COL27A1: variants seen among roughly 807,000 people sequenced by gnomAD.
COL27A1 encodes the protein collagen alpha-1(XXVII) chain.
A neutral mutation model predicts 251.3 loss-of-function variants in COL27A1; 106 were observed. The ratio of observed to expected loss-of-function variants is 0.42; its 90% confidence interval spans 0.36 to 0.50. The LOEUF is 0.50. Ranked by LOEUF, COL27A1 falls within the 20% of genes least tolerant of loss-of-function variation. The pLI is 0.00. For missense variants in COL27A1, 2,325 were observed against 2,522.8 expected (o/e 0.92, Z 1.68); for synonymous variants, 1,000 against 986.3 (o/e 1.01, Z -0.26).
chr9:114,272,852 C>T (rs1279304595), intron 36 of COL27A1: 1 of 152,154 alleles, frequency 6.6e-6, no homozygotes, highest in Non-Finnish European at 1.5e-5. Flanking sequence ...GTCCCCTGAG[C>T]AGAGAATCTT....
rs574196236 is a variant in COL27A1 at position 114,190,047 on chromosome 9, G to A, written c.2017-4357G>A. Among the ~76,000 whole-genome samples the A allele has an allele frequency of 5.3e-5, 8 of 152,258 alleles. No homozygotes were observed. In the South Asian group the frequency reaches 1.0e-3, roughly 20 times the overall value. On this transcript the variant is annotated intron_variant, in intron 5 of 60. Coordinates refer to ENST00000356083, the MANE Select transcript of COL27A1 (RefSeq NM_032888.4). ...AACTTCTAGACCCATGAAAATAGTC[G>A]TACTGATAGTGAGAGGCCTAGTGAA...
intron 14 of COL27A1, among the ~76,000 whole-genome samples, chr9:114,222,715 T>G (rs1422540578): frequency 6.6e-6 from 1 of 152,142 alleles, no homozygotes; most frequent in Non-Finnish European, 1.5e-5. Flanking sequence ...TCTTTTGCAC[T>G]CTTTTCCTCC....
At chr9:114,206,115 C>G in intron 9 of COL27A1, 137 bp from the exon 10 acceptor site, 1 of 861,054 alleles carries the variant, frequency 1.2e-6, no homozygotes, top group Non-Finnish European at 1.9e-6. Flanking sequence ...GGGGTCAGGC[C>G]AAAGATCGCT....
intron 1 of COL27A1, among the ~76,000 whole-genome samples, chr9:114,157,067 CT>C (rs1386534363): frequency 6.8e-6 from 1 of 146,640 alleles, no homozygotes; most frequent in Non-Finnish European, 1.5e-5. Flanking sequence ...CCCGCACCCC[CT>C]CACCACAACA....
In COL27A1 at chr9:114,300,692, G is replaced by GT; in HGVS notation, c.4701+7dup. 2 of 1,501,674 alleles carry GT rather than the reference G, an allele frequency of 1.3e-6. No individual in the cohort carries two copies. The highest frequency in any genetic ancestry group is 8.9e-7 in the Non-Finnish European group (1 of 1,127,350). 93.0% of individuals were successfully genotyped at this position (1,501,674 alleles called of 1,614,324 possible). ...CGGGGGCCACCTGGCTTGATGGTGA[G>GT]TTCCCTCCCTGCTGTCGGAGCAGAG... is the stretch of plus-strand genomic sequence containing the variant. On this transcript the variant is annotated splice_donor_region_variant and intron_variant, in intron 51 of 60. Transcript: ENST00000356083.
intron 5 of COL27A1, among the ~76,000 whole-genome samples, chr9:114,193,615 T>C (rs1204486730): frequency 6.6e-6 from 1 of 151,988 alleles, no homozygotes; most frequent in African/African-American, 2.4e-5. Flanking sequence ...TTCCCAAATA[T>C]ATTATGAGAG....
chr9:114,168,088 G>C lies in COL27A1; in HGVS notation c.533G>C (p.Arg178Pro). Residue 178 changes from arginine (R) to proline (P), a missense_variant, in exon 3 of 61, where the codon CGG becomes CCG. By Grantham distance (103) the Arg-to-Pro change is moderately radical. Transcript: ENST00000356083. ...VTLVTACGQR[R>P]VPVLLPFHRD... Reference sequence around the variant, plus strand: ...CTGGTGACTGCCTGCGGGCAGCGCCGGGTGCCTGTCCTGCTGCCTTTCCAC... The same window carrying C: ...CTGGTGACTGCCTGCGGGCAGCGCCCGGTGCCTGTCCTGCTGCCTTTCCAC... The C allele has an allele frequency of 6.2e-7, 1 of 1,611,136 alleles. No homozygotes were observed. The highest frequency in any genetic ancestry group is 8.5e-7 in the Non-Finnish European group (1 of 1,179,994).
At chr9:114,258,776 C>A (rs1476119067) in intron 28 of COL27A1, among the ~76,000 whole-genome samples, 182 bp downstream of exon 28, 3 of 152,224 alleles carry the variant, frequency 2.0e-5, no homozygotes, top group Non-Finnish European at 2.9e-5. Context: ...GGACCCCACC[C>A]CTCTTTCCAA....
chr9:114,285,107 G>A (rs1431390554), intron 41 of COL27A1, among the ~76,000 whole-genome samples: 3 of 152,242 alleles, frequency 2.0e-5, no homozygotes, highest in African/African-American at 7.2e-5. Flanking sequence ...CATCATCTGT[G>A]TGGACATGGG....
Position 114,310,649 on chromosome 9 carries a change from C to A in COL27A1, c.5537C>A (p.Ser1846Ter). Residue 1846 changes from serine to a stop codon, truncating the protein, a stop_gained, in exon 61 of 61, where the codon TCA becomes TAA. Coordinates refer to ENST00000356083, the MANE Select transcript of COL27A1 (RefSeq NM_032888.4). LOFTEE classifies it high-confidence loss of function. ...GTGGACAACCTCCCTCCTGCCTCAT[C>A]AGGGAAGCAGTACCGCCTGGAAGTT... ...ISVDNLPPAS[S>*]GKQYRLEVGP... is the part of the protein sequence containing the mutation. 6.2e-7 allele frequency: 1 copy of A among 1,614,218 alleles called. No homozygotes were observed.
At chr9:114,215,164 G>A (rs1257699586) in intron 12 of COL27A1, among the ~76,000 whole-genome samples, 1 of 152,268 alleles carries the variant, frequency 6.6e-6, no homozygotes, top group Non-Finnish European at 1.5e-5. Context: ...TCCCTGGGGT[G>A]TGGTTCAGGG....
Position 114,198,268 on chromosome 9 carries a change from C to T in COL27A1, c.2124+2256C>T, listed in dbSNP as rs139602717. Reference sequence around the variant, plus strand: ...TGAATGGACAAAAATCCCTGCCCCACAGGGCCTGCATCCTTGTGGGGGTGT... The same window carrying T: ...TGAATGGACAAAAATCCCTGCCCCATAGGGCCTGCATCCTTGTGGGGGTGT... On this transcript the variant is annotated intron_variant, in intron 7 of 60. Transcript: ENST00000356083. 5.5e-3 allele frequency among the ~76,000 whole-genome samples: 831 copies of T among 152,326 alleles called. 6 individuals are homozygous for T. The highest frequency in any genetic ancestry group is 0.019 in the African/African-American group (790 of 41,570).
chr9:114,311,442 T>A lies in COL27A1; in HGVS notation c.*747T>A, dbSNP rs989973247. The A allele has an allele frequency of 1.3e-5, 2 of 151,614 alleles. No homozygotes were observed. Among genetic ancestry groups the A allele is most frequent in the African/African-American group, 2.4e-5 (1 of 41,296 alleles). 9.4% of individuals were successfully genotyped at this position (151,614 alleles called of 1,614,324 possible). The stretch of plus-strand genomic sequence containing the variant: ...GGATGTGGGGCATCATCCGCATCTT[T>A]CTCTCTCCTCCAAATGACAAAGTTT... On this transcript the variant is annotated 3_prime_UTR_variant, in exon 61 of 61. Coordinates refer to ENST00000356083, the MANE Select transcript of COL27A1 (RefSeq NM_032888.4).
intron 36 of COL27A1, chr9:114,271,726 A>G (rs1341262839): frequency 1.3e-5 from 2 of 152,482 alleles, no homozygotes; most frequent in Non-Finnish European, 2.9e-5. Flanking sequence ...CTGGCCGGTC[A>G]CCCTGTGCAA....
intron 39 of COL27A1, among the ~76,000 whole-genome samples, chr9:114,282,922 A>G (rs995185667): frequency 2.6e-5 from 4 of 152,206 alleles, no homozygotes; most frequent in Non-Finnish European, 5.9e-5. Context: ...GAGATTTCCC[A>G]CTGGAAATAG....
chr9:114,205,904 G>A (rs1013077825), intron 9 of COL27A1, 92 bp downstream of exon 9: 52 of 1,201,760 alleles, frequency 4.3e-5, no homozygotes, highest in Admixed American at 1.3e-4. Context: ...TGGGCTGGGG[G>A]CCAAGGAGCT....
In COL27A1 at chr9:114,179,366, C is replaced by T. The variant is rs183010493; in HGVS notation, c.1962+1022C>T. Among the ~76,000 whole-genome samples, 33 of 152,282 alleles carry T rather than the reference C, an allele frequency of 2.2e-4. No individual in the cohort carries two copies. The East Asian group carries it at 5.0e-3, about 23-fold the overall frequency. On this transcript the variant is annotated intron_variant, in intron 4 of 60. Transcript: ENST00000356083. ...CTGGGGACCACATAGATATCACAGA[C>T]GCTGCTAGCCCATGGGACCTTGCAG...
chr9:114,189,661 C>T lies in COL27A1; in HGVS notation c.2017-4743C>T, dbSNP rs998824109. ...ATTTGGTTGAATTTTTACAATGTCT[C>T]TTAGTAAACTTTAATGGTTTTTATT... On this transcript the variant is annotated intron_variant, in intron 5 of 60. Coordinates refer to ENST00000356083, the MANE Select transcript of COL27A1 (RefSeq NM_032888.4). Among the ~76,000 whole-genome samples the T allele has an allele frequency of 3.9e-5, 6 of 152,102 alleles. No homozygotes were observed. In the South Asian group the frequency reaches 1.2e-3, roughly 32 times the overall value.
chr9:114,210,869 A>G, intron 11 of COL27A1, 113 bp from the exon 12 acceptor site: 1 of 1,054,134 alleles, frequency 9.5e-7, no homozygotes, highest in Non-Finnish European at 1.5e-6. Context: ...AGTGGCACAC[A>G]TTCCAGGCCC....
Sources: allele counts gnomAD v4.1 joint callset (sites outside exome capture counted in the v4.1 genomes callset), GRCh38; gene constraint gnomAD v4.1.1; transcripts MANE v1.5; gene names NCBI Gene and HGNC (gene_info 2026-07-23, HGNC 2026-07-21).